Variants in MSRB3 observed in about 807,000 individuals in gnomAD.
MSRB3 encodes the protein methionine sulfoxide reductase B3, also known as methionine-R-sulfoxide reductase B3.
MSRB3 carries 13 observed loss-of-function variants against 21.0 expected under a neutral mutation model. The ratio of observed to expected loss-of-function variants is 0.62; its 90% CI spans 0.40 to 0.98. MSRB3 has a LOEUF of 0.98. MSRB3 is among the 50% of genes least tolerant of loss of function. The pLI, the probability that MSRB3 is intolerant of heterozygous loss-of-function variation, is 0.00. For synonymous variants in MSRB3, 87 were observed against 88.6 expected (o/e 0.98, Z 0.10); for missense variants, 199 against 230.3 (o/e 0.86, Z 0.88).
At chr12:65,388,704 T>C (rs1041239165) in intron 5 of MSRB3, among the ~76,000 whole-genome samples, 5 of 151,922 alleles carry the variant, frequency 3.3e-5, no homozygotes, top group Non-Finnish European at 7.4e-5. Context: ...AACCCGTCTC[T>C]CCAAGAACAT....
Position 65,324,929 on chromosome 12 carries a change from A to T in MSRB3, c.77-1897A>T, listed in dbSNP as rs557011099. On this transcript the variant is annotated intron_variant, in intron 2 of 6. Transcript: ENST00000308259. ...ACGTATATTAACAAAAATATTTTGGATAGAATTGTTTGATTTTAATTGTAC... is the reference window on the plus strand; with the variant it reads ...ACGTATATTAACAAAAATATTTTGGTTAGAATTGTTTGATTTTAATTGTAC... 2.0e-5 allele frequency among the ~76,000 whole-genome samples: 3 copies of T among 152,316 alleles called. No homozygotes were observed. The South Asian group carries it at 6.2e-4, about 32-fold the overall frequency.
chr12:65,427,911 G>A (rs748407160), intron 5 of MSRB3, among the ~76,000 whole-genome samples: 1 of 152,070 alleles, frequency 6.6e-6, no homozygotes, highest in Middle Eastern at 3.2e-3. Context: ...AAGCTCCAGT[G>A]TCTGAAATGC....
intron 5 of MSRB3, among the ~76,000 whole-genome samples, chr12:65,422,414 ATATATATATATATATATTTATT>A (rs1459579974): frequency 0.015 from 636 of 42,596 alleles, 13 homozygotes; most frequent in Non-Finnish European, 0.027. Flanking sequence ...ATATATATAT[ATATATATATATATATATTTATT>A]TATTTATTTA....
In MSRB3 at chr12:65,340,253, A is replaced by T. The variant is rs113300469; in HGVS notation, c.263+11650A>T. On this transcript the variant is annotated intron_variant, in intron 4 of 6. Coordinates refer to ENST00000308259, the MANE Select transcript of MSRB3 (RefSeq NM_001031679.3). ...ATGAATTTAACAGCATATTAGACAC[A>T]CAAGAAAGTAGGACTGGCAGACAGC... is the stretch of plus-strand genomic sequence containing the variant. 7.5e-4 allele frequency among the ~76,000 whole-genome samples: 114 copies of T among 152,306 alleles called. 2 individuals carry two copies. The East Asian group carries it at 0.019, about 25-fold the overall frequency.
chr12:65,315,508 A>G (rs1017601384), intron 2 of MSRB3, among the ~76,000 whole-genome samples: 14 of 152,066 alleles, frequency 9.2e-5, no homozygotes, highest in South Asian at 8.3e-4. Context: ...TGTCTCTACT[A>G]AAAATACAAT....
At chr12:65,389,456 C>T (rs1879359603) in intron 5 of MSRB3, among the ~76,000 whole-genome samples, 1 of 152,138 alleles carries the variant, frequency 6.6e-6, no homozygotes, top group South Asian at 2.1e-4. Context: ...CTTACACAGC[C>T]ACTTATTAAC....
At chr12:65,426,209 G>A (rs1881592104) in intron 5 of MSRB3, among the ~76,000 whole-genome samples, 1 of 152,080 alleles carries the variant, frequency 6.6e-6, no homozygotes, top group African/African-American at 2.4e-5. Flanking sequence ...TAAGTTTAAA[G>A]TATTTCCTTT....
intron 5 of MSRB3, among the ~76,000 whole-genome samples, chr12:65,377,569 G>C (rs1878699130): frequency 6.6e-6 from 1 of 152,112 alleles, no homozygotes; most frequent in Non-Finnish European, 1.5e-5. Flanking sequence ...CAAATTGCTG[G>C]GATTACAGGC....
intron 5 of MSRB3, among the ~76,000 whole-genome samples, chr12:65,438,036 A>T (rs1351217898): frequency 1.3e-5 from 2 of 151,950 alleles, no homozygotes; most frequent in Non-Finnish European, 2.9e-5. Context: ...CTTGACCAAC[A>T]TGGAACCACT....
chr12:65,434,513 T>C (rs1253687447), intron 5 of MSRB3, among the ~76,000 whole-genome samples: 5 of 151,870 alleles, frequency 3.3e-5, no homozygotes, highest in African/African-American at 1.2e-4. Flanking sequence ...TCAGAAATAG[T>C]GAAGAATATT....
At chr12:65,301,526 C>A (rs12318621) in intron 1 of MSRB3, among the ~76,000 whole-genome samples, 6,410 of 152,124 alleles carry the variant, frequency 0.042, 438 homozygotes, top group African/African-American at 0.15. Flanking sequence ...TTTTTTGATA[C>A]CATGTTACGA....
intron 4 of MSRB3, among the ~76,000 whole-genome samples, chr12:65,366,448 C>G (rs1050514423): frequency 6.6e-5 from 10 of 152,096 alleles, no homozygotes; most frequent in Admixed American, 1.3e-4. Context: ...AACTTCCTGG[C>G]TGGTGGAAAA....
At chr12:65,366,761 A>C (rs1878036927) in intron 4 of MSRB3, among the ~76,000 whole-genome samples, 1 of 152,186 alleles carries the variant, frequency 6.6e-6, no homozygotes, top group Admixed American at 6.5e-5. Flanking sequence ...GATATGGTCA[A>C]AGAAGTGTTT....
At position 65,376,621 on chromosome 12, in the gene MSRB3, G is replaced by A. The variant is rs563747026; in HGVS notation, c.292+7595G>A. On this transcript the variant is annotated intron_variant, in intron 5 of 6. Transcript: ENST00000308259. ...TGCATGTTCTCACTCATAAGTGGGA[G>A]GTGAACAATGAGAACACATGGACAC... is the stretch of plus-strand genomic sequence containing the variant. 2.5e-4 allele frequency among the ~76,000 whole-genome samples: 38 copies of A among 152,114 alleles called. No individual in the cohort carries two copies. In the South Asian group the frequency reaches 4.0e-3, roughly 16 times the overall value.
At chr12:65,279,282 C>T in intron 1 of MSRB3, 1 of 166,690 alleles carries the variant, frequency 6.0e-6, no homozygotes, top group Non-Finnish European at 1.3e-5. Flanking sequence ...GCCGGGGTTG[C>T]CGCTCAGATA....
At chr12:65,328,015 T>G (rs1213773634) in intron 3 of MSRB3, among the ~76,000 whole-genome samples, 2 of 152,198 alleles carry the variant, frequency 1.3e-5, no homozygotes, top group Non-Finnish European at 2.9e-5. Context: ...ACATAGACTT[T>G]TTGTTGGGCT....
intron 4 of MSRB3, among the ~76,000 whole-genome samples, chr12:65,341,419 G>T (rs919582982): frequency 6.6e-6 from 1 of 151,936 alleles, no homozygotes; most frequent in African/African-American, 2.4e-5. Flanking sequence ...GGAACAGTTG[G>T]GGGGAAGGGA....
intron 1 of MSRB3, among the ~76,000 whole-genome samples, chr12:65,292,920 A>T (rs1025913303): frequency 9.9e-5 from 15 of 152,138 alleles, no homozygotes; most frequent in African/African-American, 3.6e-4. Context: ...TTCAATATAC[A>T]GACAGAACTA....
chr12:65,347,264 G>A (rs1766464611), intron 4 of MSRB3, among the ~76,000 whole-genome samples: 1 of 152,070 alleles, frequency 6.6e-6, no homozygotes, highest in South Asian at 2.1e-4. Context: ...ATTTCATTGA[G>A]CAGTGGTTTG....
Sources: allele counts gnomAD v4.1 joint callset (sites outside exome capture counted in the v4.1 genomes callset), GRCh38; gene constraint gnomAD v4.1.1; transcripts MANE v1.5; gene names NCBI Gene and HGNC (gene_info 2026-07-23, HGNC 2026-07-21).